COL18A1: variants seen among roughly 807,000 people sequenced by gnomAD.
COL18A1 encodes the protein collagen alpha-1(XVIII) chain.
Under a neutral mutation model 168.0 loss-of-function variants are expected in COL18A1, and 133 were observed. The ratio of observed to expected loss-of-function variants is 0.79; its 90% CI spans 0.69 to 0.91. COL18A1 has a LOEUF of 0.91. COL18A1 is among the 40% of genes least tolerant of loss of function. COL18A1 has a pLI of 0.00. For synonymous variants in COL18A1, 949 were observed against 809.0 expected (o/e 1.17, Z -2.94); for missense variants, 2,126 against 1,925.4 (o/e 1.10, Z -1.95).
In COL18A1 at chr21:45,497,596, C is replaced by G; in HGVS notation, c.2621-3C>G. The stretch of plus-strand genomic sequence containing the variant: ...GATGGGCACTGGGTCTCTCTTCCTC[C>G]AGGGAATCAGGGCCCTCCAGGACCC... On this transcript the variant is annotated splice_region_variant and splice_polypyrimidine_tract_variant and intron_variant, in intron 31 of 41. Coordinates refer to ENST00000651438, the MANE Select transcript of COL18A1 (RefSeq NM_001379500.1). The G allele has an allele frequency of 1.3e-6, 2 of 1,559,792 alleles. No homozygotes were observed. Among genetic ancestry groups the G allele is most frequent in the Non-Finnish European group, 1.7e-6 (2 of 1,152,256 alleles).
chr21:45,429,245 GTC>G lies in COL18A1; in HGVS notation c.106+23776_106+23777del, dbSNP rs572914788. On this transcript the variant is annotated intron_variant, in intron 2 of 41. Coordinates refer to ENST00000651438, the MANE Select transcript of COL18A1 (RefSeq NM_001379500.1). ...ACTGCATCCCTGGAGGGATCTGAGA[GTC>G]TCTTTCCCTGTCTCCTTTCCTTTGG... 4.5e-4 allele frequency among the ~76,000 whole-genome samples: 69 copies of G among 152,300 alleles called. No homozygotes were observed. In the South Asian group the frequency reaches 0.014, roughly 31 times the overall value.
intron 4 of COL18A1, 43 bp downstream of exon 4, chr21:45,474,024 C>A: frequency 6.7e-7 from 1 of 1,486,034 alleles, no homozygotes; most frequent in Non-Finnish European, 9.2e-7. Flanking sequence ...CCCTCAATCC[C>A]TGGCACGCGG....
At chr21:45,405,800 C>T (rs2033085226) in intron 2 of COL18A1, among the ~76,000 whole-genome samples, 1 of 151,492 alleles carries the variant, frequency 6.6e-6, no homozygotes, top group Admixed American at 6.6e-5. Flanking sequence ...TCTCGGGAGA[C>T]GCGGCCTCTG....
At chr21:45,455,957 C>G in intron 2 of COL18A1, 2 of 1,613,080 alleles carry the variant, frequency 1.2e-6, no homozygotes, top group Non-Finnish European at 1.7e-6. Flanking sequence ...GGCGGAAACC[C>G]TGGTCCTGGA....
In COL18A1 at chr21:45,443,731, C is replaced by T. The variant is rs1266533046; in HGVS notation, c.107-24511C>T. On this transcript the variant is annotated intron_variant, in intron 2 of 41. Coordinates refer to ENST00000651438, the MANE Select transcript of COL18A1 (RefSeq NM_001379500.1). This position sits in a 1 kb window ranked among gnomAD's most constrained non-coding sequence, Gnocchi z 5.2. ...GAAAACACAAATCAAGTGCCAATTTCCTGGTGAAGAGTCTTTATGAGAGCA... is the reference window on the plus strand; with the variant it reads ...GAAAACACAAATCAAGTGCCAATTTTCTGGTGAAGAGTCTTTATGAGAGCA... Among the ~76,000 whole-genome samples the T allele has an allele frequency of 6.6e-6, 1 of 152,226 alleles. No individual in the cohort carries two copies. Among genetic ancestry groups the T allele is most frequent in the Non-Finnish European group, 1.5e-5 (1 of 68,030 alleles).
At chr21:45,480,014 C>A (rs1459452147) in intron 10 of COL18A1, 50 bp downstream of exon 10, 1 of 1,613,316 alleles carries the variant, frequency 6.2e-7, no homozygotes, top group Non-Finnish European at 8.5e-7. Flanking sequence ...GCCCTTGGCT[C>A]AAGGTGGGGG....
rs2145967464 is a variant in COL18A1 at position 45,487,505 on chromosome 21, C to T, written c.1892C>T (p.Pro631Leu). The T allele has an allele frequency of 1.9e-6, 3 of 1,612,934 alleles. No homozygotes were observed. Among genetic ancestry groups the T allele is most frequent in the South Asian group, 1.1e-5 (1 of 91,082 alleles). Residue 631 changes from proline (P) to leucine (L), a missense_variant, in exon 17 of 42, where the codon CCA becomes CTA. Transcript: ENST00000651438. The part of the protein sequence containing the change: ...FWSTARSADG[P>L]QGPPGLPGLK... ...TCAACAGCCCGAAGCGCTGATGGGCCACAGGTAGTGTTGTGAGCTGGGCGT... is the reference window on the plus strand; with the variant it reads ...TCAACAGCCCGAAGCGCTGATGGGCTACAGGTAGTGTTGTGAGCTGGGCGT...
intron 40 of COL18A1, 137 bp from the exon 41 acceptor site, chr21:45,510,974 C>CA: frequency 1.0e-4 from 2 of 19,796 alleles, no homozygotes; most frequent in Admixed American, 5.0e-4. Context: ...CACCCCCAAA[C>CA]ACCCCCCACA....
rs922296917 is a variant in COL18A1 at position 45,505,371 on chromosome 21, CGGCCCTCCGGGCCCCCCTG to C, written c.3033_3051del (p.Pro1012LeufsTer13). 1.1e-5 allele frequency: 18 copies of C among 1,593,256 alleles called. No individual in the cohort carries two copies. The highest frequency in any genetic ancestry group is 1.4e-5 in the Non-Finnish European group (16 of 1,164,014). ...TCTCTCCTGCAGCTATCAGCGTTCC[CGGCCCTCCGGGCCCCCCTG>C]GGCCCCCTGGGCCCCCTGGAACCAT... On this transcript the variant is annotated frameshift_variant, in exon 36 of 42. Transcript: ENST00000651438. LOFTEE classifies it high-confidence loss of function.
intron 20 of COL18A1, 91 bp downstream of exon 20, chr21:45,490,437 C>CATGGGT (rs773887057): frequency 1.0e-5 from 12 of 1,147,582 alleles, no homozygotes; most frequent in Non-Finnish European, 1.0e-5. Flanking sequence ...GATGTGCCCT[C>CATGGGT]CCGGGTCCCT....
intron 2 of COL18A1, among the ~76,000 whole-genome samples, chr21:45,451,449 G>T (rs1323021197): frequency 6.6e-6 from 1 of 152,188 alleles, no homozygotes; most frequent in Non-Finnish European, 1.5e-5. Flanking sequence ...GGGGCCCTGG[G>T]GACACAGCTG....
intron 2 of COL18A1, among the ~76,000 whole-genome samples, chr21:45,428,396 G>A (rs1388486788): frequency 6.6e-6 from 1 of 152,252 alleles, no homozygotes; most frequent in Non-Finnish European, 1.5e-5. Context: ...AGCCAGGACC[G>A]AGGCCACCAG....
At chr21:45,486,144 C>T (rs1422315434) in intron 15 of COL18A1, among the ~76,000 whole-genome samples, 2 of 152,220 alleles carry the variant, frequency 1.3e-5, no homozygotes, top group East Asian at 1.9e-4. Context: ...CCTCCGGGCT[C>T]GCCTGCTTCT....
At chr21:45,492,335 G>A (rs552481909) in intron 22 of COL18A1, among the ~76,000 whole-genome samples, 200 bp from the exon 23 acceptor site, 8 of 152,334 alleles carry the variant, frequency 5.3e-5, no homozygotes, top group South Asian at 2.1e-4. Context: ...CCCTTAGGGC[G>A]TCTGGAGTCT....
rs547078445 is a variant in COL18A1, at chr21:45,495,591, C to T, written c.2508+159C>T. On this transcript the variant is annotated intron_variant, in intron 29 of 41. Coordinates refer to ENST00000651438, the MANE Select transcript of COL18A1 (RefSeq NM_001379500.1). ...TGGTCATGCCATACCCATGCACAGT[C>T]ATACATGTCCACACACGCACACGTG... is the stretch of plus-strand genomic sequence containing the variant. The T allele has an allele frequency of 3.3e-5, 19 of 579,564 alleles. 1 individual carries two copies. Among genetic ancestry groups the T allele is most frequent in the Admixed American group, 7.8e-5 (3 of 38,502 alleles). The allele number at this position is 579,564 out of a possible 1,614,324, so 35.9% of individuals were successfully genotyped here.
chr21:45,437,218 ACACACAGACACACAGG>A (rs1569287408), intron 2 of COL18A1, among the ~76,000 whole-genome samples: 20 of 104,922 alleles, frequency 1.9e-4, no homozygotes, highest in African/African-American at 4.1e-4. Context: ...CTGCACACAC[ACACACAGACACACAGG>A]CACTCTCCTG....
intron 2 of COL18A1, chr21:45,421,666 G>C: frequency 2.0e-6 from 1 of 497,988 alleles, no homozygotes. Context: ...TGCCAGGAAG[G>C]AAGCTCACAC....
At chr21:45,454,034 T>G (rs1391067564) in intron 2 of COL18A1, among the ~76,000 whole-genome samples, 1 of 152,178 alleles carries the variant, frequency 6.6e-6, no homozygotes, top group Non-Finnish European at 1.5e-5. Context: ...CGGAGGCGTG[T>G]TCAGACATAA....
chr21:45,437,292 ACACACACACT>A (rs2034152705), intron 2 of COL18A1, among the ~76,000 whole-genome samples: 1 of 128,856 alleles, frequency 7.8e-6, no homozygotes. Flanking sequence ...TCTCCTGCAC[ACACACACACT>A]CACACAGGCA....
Sources: allele counts gnomAD v4.1 joint callset (sites outside exome capture counted in the v4.1 genomes callset), GRCh38; gene constraint gnomAD v4.1.1; non-coding constraint Gnocchi (gnomAD v3.1); transcripts MANE v1.5; gene names NCBI Gene and HGNC (gene_info 2026-07-23, HGNC 2026-07-21).